PFKFB3: variants seen among roughly 807,000 people sequenced by gnomAD.
PFKFB3 encodes the protein 6-phosphofructo-2-kinase/fructose-2,6-bisphosphatase 3.
PFKFB3 carries 33 observed loss-of-function variants against 68.0 expected under a neutral mutation model. The observed-to-expected ratio is 0.49, with a 90% confidence interval of 0.37 to 0.65. PFKFB3 has a LOEUF of 0.65. Ranked by LOEUF, PFKFB3 falls within the 30% of genes least tolerant of loss-of-function variation. The pLI, the probability that PFKFB3 is intolerant of heterozygous loss-of-function variation, is 0.00. For synonymous variants in PFKFB3, 315 were observed against 288.2 expected (o/e 1.09, Z -0.94); for missense variants, 586 against 712.2 (o/e 0.82, Z 2.02).
At chr10:6,224,295 GC>G in intron 13 of PFKFB3, 82 bp downstream of exon 13, 4 of 1,407,546 alleles carry the variant, frequency 2.8e-6, no homozygotes, top group Non-Finnish European at 4.0e-6. Flanking sequence ...AGGCCCCGGG[GC>G]CGCTTGCCTG....
chr10:6,225,129 T>C (rs1213228719), intron 13 of PFKFB3: 3 of 456,172 alleles, frequency 6.6e-6, no homozygotes, highest in East Asian at 1.4e-4. Context: ...GGACGCGTGT[T>C]GTGAAAGTGA....
the PFKFB3 span, among the ~76,000 whole-genome samples, chr10:6,278,279 T>TG: frequency 8.6e-5 from 13 of 151,514 alleles, no homozygotes; most frequent in Admixed American, 2.0e-4. Flanking sequence ...TTGATTTTTT[T>TG]TTGTTGTTGT....
At chr10:6,221,269 C>T in intron 8 of PFKFB3, 112 bp from the exon 9 acceptor site, 4 of 1,345,634 alleles carry the variant, frequency 3.0e-6, no homozygotes, top group Non-Finnish European at 4.0e-6. Flanking sequence ...CCTGGGGCCC[C>T]CACGGTGTAA....
the PFKFB3 span, among the ~76,000 whole-genome samples, chr10:6,310,720 C>A: frequency 6.6e-6 from 1 of 152,088 alleles, no homozygotes; most frequent in Non-Finnish European, 1.5e-5. Flanking sequence ...ATTTGTGAAA[C>A]GCCTTGTTAA....
At chr10:6,302,592 G>T in the PFKFB3 span, among the ~76,000 whole-genome samples, 1 of 150,458 alleles carries the variant, frequency 6.6e-6, no homozygotes, top group Non-Finnish European at 1.5e-5. Context: ...TGTTGGCCAG[G>T]CTGGTCTCGA....
chr10:6,163,892 G>C (rs1053097563), intron 1 of PFKFB3: 1 of 152,298 alleles, frequency 6.6e-6, no homozygotes, highest in African/African-American at 2.4e-5. Flanking sequence ...GCTCCGCGTG[G>C]ATCCGGCGCT....
At chr10:6,250,394 C>G (rs546035805) in intron 14 of PFKFB3, among the ~76,000 whole-genome samples, 11 of 151,958 alleles carry the variant, frequency 7.2e-5, no homozygotes, top group African/African-American at 2.7e-4. Context: ...TGAAACCCTC[C>G]CTGTCTCTAC....
intron 9 of PFKFB3, 54 bp from the exon 10 acceptor site, chr10:6,221,587 G>T (rs899767490): frequency 1.5e-5 from 24 of 1,610,754 alleles, no homozygotes; most frequent in Admixed American, 8.4e-5. Flanking sequence ...CTTCCCAAGA[G>T]GCCCTAGACA....
At chr10:6,200,570 G>A (rs1184274706), upstream of PFKFB3, among the ~76,000 whole-genome samples, 1 of 150,338 alleles carries the variant, frequency 6.7e-6, no homozygotes, top group African/African-American at 2.4e-5. Flanking sequence ...AGGCTGCCAG[G>A]AGTTCTAGCT....
intron 1 of PFKFB3, among the ~76,000 whole-genome samples, chr10:6,194,679 G>A (rs1464198353): frequency 6.6e-6 from 1 of 152,160 alleles, no homozygotes; most frequent in Non-Finnish European, 1.5e-5. Context: ...AGGATCCCAG[G>A]ACTCTTCAAC....
At chr10:6,187,649 T>C (rs1237935030) in intron 1 of PFKFB3, among the ~76,000 whole-genome samples, 2 of 152,254 alleles carry the variant, frequency 1.3e-5, no homozygotes, top group African/African-American at 4.8e-5. Flanking sequence ...ATTAGTGATG[T>C]CTTGATTCAT....
chr10:6,224,499 G>A (rs1366310983), intron 13 of PFKFB3: 1 of 547,938 alleles, frequency 1.8e-6, no homozygotes, highest in South Asian at 1.6e-5. Context: ...TTTTTTATTT[G>A]AGACAGGGTC....
In PFKFB3 at chr10:6,215,290, A is replaced by G; in HGVS notation, c.272A>G (p.Asp91Gly). 1 of 1,613,876 alleles carries G rather than the reference A, an allele frequency of 6.2e-7. No homozygotes were observed. The highest frequency in any genetic ancestry group is 8.5e-7 in the Non-Finnish European group (1 of 1,179,930). The change falls in exon 3 of 15, where the codon GAC becomes GGC. Residue 91 changes from aspartate (D) to glycine (G), a missense_variant. Physicochemically the swap from Asp to Gly is moderately conservative, Grantham distance 94 (BLOSUM62 -1). Coordinates refer to ENST00000379775, the MANE Select transcript of PFKFB3 (RefSeq NM_004566.4). The surrounding 1 kb of genome is among the most constrained non-coding windows in gnomAD (Gnocchi z 4.3). ...QYSSYNFFRP[D>G]NEEAMKVRKQ... ...AGCTCCTACAACTTCTTCCGCCCCG[A>G]CAATGAGGAAGCCATGAAAGTCCGG...
At chr10:6,180,402 G>A (rs1327542204) in intron 1 of PFKFB3, among the ~76,000 whole-genome samples, 1 of 152,186 alleles carries the variant, frequency 6.6e-6, no homozygotes, top group Non-Finnish European at 1.5e-5. Flanking sequence ...TTACATAGCA[G>A]AATAGCCATT....
At chr10:6,251,066 G>A (rs960581555) in intron 14 of PFKFB3, among the ~76,000 whole-genome samples, 4 of 152,140 alleles carry the variant, frequency 2.6e-5, no homozygotes, top group Non-Finnish European at 5.9e-5. Context: ...GGTTCTGTAG[G>A]CTATTCTAAT....
intron 1 of PFKFB3, among the ~76,000 whole-genome samples, chr10:6,172,682 T>C (rs1243118198): frequency 6.6e-6 from 1 of 151,772 alleles, no homozygotes; most frequent in African/African-American, 2.4e-5. Context: ...ATTAGCTGGG[T>C]GTGGTGGCGC....
chr10:6,161,599 CACACACATATATAT>C (rs1841975761), intron 1 of PFKFB3, among the ~76,000 whole-genome samples: 1 of 150,050 alleles, frequency 6.7e-6, no homozygotes, highest in Non-Finnish European at 1.5e-5. Flanking sequence ...TATATATACA[CACACACATATATAT>C]ACACACACAC....
chr10:6,180,128 A>T (rs1842666475), intron 1 of PFKFB3, among the ~76,000 whole-genome samples: 2 of 151,998 alleles, frequency 1.3e-5, no homozygotes, highest in South Asian at 4.2e-4. Flanking sequence ...GGATTGCTTG[A>T]GCCCAGGAGT....
intron 1 of PFKFB3, among the ~76,000 whole-genome samples, chr10:6,181,128 C>A (rs1842701820): frequency 6.6e-6 from 1 of 152,210 alleles, no homozygotes; most frequent in Admixed American, 6.5e-5. Context: ...TATCGCCCCA[C>A]CTCAGCCTCC....
Sources: allele counts gnomAD v4.1 joint callset (sites outside exome capture counted in the v4.1 genomes callset), GRCh38; gene constraint gnomAD v4.1.1; non-coding constraint Gnocchi (gnomAD v3.1); transcripts MANE v1.5; gene names NCBI Gene and HGNC (gene_info 2026-07-23, HGNC 2026-07-21).